The following SPIRE1 variants were observed in gnomAD, a reference collection of about 807,000 sequenced individuals.
The protein encoded by SPIRE1 is protein spire homolog 1.
Under a neutral mutation model 94.1 loss-of-function variants are expected in SPIRE1, and 40 were observed. The ratio of observed to expected loss-of-function variants is 0.43; its 90% CI spans 0.33 to 0.55. The LOEUF (loss-of-function observed/expected upper bound fraction) is 0.55, where lower values mean the gene tolerates loss of function less well. Among genes scored for constraint, SPIRE1 ranks in the 20% least tolerant of loss-of-function variants. The probability of loss-of-function intolerance (pLI) is 0.06; values close to 1 mark genes in which losing one functional copy is unlikely to be tolerated. For synonymous variants in SPIRE1, 376 were observed against 371.7 expected (o/e 1.01, Z -0.13); for missense variants, 838 against 975.2 (o/e 0.86, Z 1.87).
intron 6 of SPIRE1, among the ~76,000 whole-genome samples, chr18:12,501,659 G>A (rs984308425): frequency 6.6e-6 from 1 of 152,188 alleles, no homozygotes; most frequent in Non-Finnish European, 1.5e-5. Context: ...TGGGATTACA[G>A]GCATGAGCCA....
At chr18:12,521,441 C>A (rs1302500877) in intron 4 of SPIRE1, among the ~76,000 whole-genome samples, 2 of 152,034 alleles carry the variant, frequency 1.3e-5, no homozygotes, top group African/African-American at 4.8e-5. Context: ...TCAAGGGATC[C>A]TCGTGCCTCA....
At chr18:12,661,291 AGAGT>A (rs1011258547), upstream of SPIRE1, 3 of 790,402 alleles carry the variant, frequency 3.8e-6, no homozygotes, top group African/African-American at 5.6e-5. Flanking sequence ...CTGGGTGACA[AGAGT>A]GAGCCTTCAT....
chr18:12,579,220 C>T (rs2036195390), intron 2 of SPIRE1, among the ~76,000 whole-genome samples: 1 of 149,542 alleles, frequency 6.7e-6, no homozygotes, highest in Non-Finnish European at 1.5e-5. Context: ...CACACACACA[C>T]ACACACACAC....
chr18:12,581,439 A>C (rs935878291), intron 2 of SPIRE1, among the ~76,000 whole-genome samples: 72 of 147,916 alleles, frequency 4.9e-4, no homozygotes, highest in African/African-American at 1.5e-3. Context: ...AAGGTTAAAA[A>C]AAATAACCAA....
chr18:12,639,968 A>AC (rs1240112961), intron 1 of SPIRE1, among the ~76,000 whole-genome samples: 2 of 152,160 alleles, frequency 1.3e-5, no homozygotes, highest in Non-Finnish European at 2.9e-5. Flanking sequence ...GCTTTACGAA[A>AC]CAAACTAGTC....
At chr18:12,596,872 T>C (rs553434535) in intron 2 of SPIRE1, among the ~76,000 whole-genome samples, 40 of 151,954 alleles carry the variant, frequency 2.6e-4, no homozygotes, top group African/African-American at 7.3e-4. Flanking sequence ...ACCACAGCTA[T>C]AGCCCTGCAC....
chr18:12,462,307 TA>T (rs2031898759), intron 12 of SPIRE1, among the ~76,000 whole-genome samples: 1 of 152,240 alleles, frequency 6.6e-6, no homozygotes, highest in Non-Finnish European at 1.5e-5. Context: ...ATCACAGCCT[TA>T]AAAAATGGAC....
chr18:12,495,975 T>C (rs2033443060), intron 7 of SPIRE1, 41 bp downstream of exon 7: 1 of 1,452,966 alleles, frequency 6.9e-7, no homozygotes, highest in African/African-American at 1.4e-5. Context: ...AATAATTCAT[T>C]ATGATATCTC....
chr18:12,463,641 T>C (rs1387489198), intron 11 of SPIRE1, 148 bp from the exon 12 acceptor site: 1 of 631,540 alleles, frequency 1.6e-6, no homozygotes, highest in Non-Finnish European at 2.6e-6. Flanking sequence ...TCCTTAGGAG[T>C]AGACTCTGAG....
At chr18:12,567,693 T>C (rs2035852360) in intron 2 of SPIRE1, among the ~76,000 whole-genome samples, 1 of 152,184 alleles carries the variant, frequency 6.6e-6, no homozygotes, top group African/African-American at 2.4e-5. Context: ...TTTGGTAGCA[T>C]ACCAGGATCC....
chr18:12,546,579 C>T lies in SPIRE1; in HGVS notation c.603+95G>A, dbSNP rs147653005. ...TCACACCACTGCACTCTAGCCTGGG[C>T]GACAGAGTGAGACCATCTCTCCAGG... On this transcript the variant is annotated intron_variant, in intron 3 of 16. Coordinates refer to ENST00000409402, the MANE Select transcript of SPIRE1 (RefSeq NM_001128626.2). 2.4e-3 allele frequency: 2,281 copies of T among 942,150 alleles called. 48 individuals are homozygous for T. In the African/African-American group the frequency reaches 0.032, roughly 13 times the overall value. The allele number at this position is 942,150 out of a possible 1,614,324, so 58.4% of individuals were successfully genotyped here.
intron 1 of SPIRE1, among the ~76,000 whole-genome samples, chr18:12,643,430 A>G (rs1286162361): frequency 6.6e-6 from 1 of 152,260 alleles, no homozygotes. Flanking sequence ...TATCAATTGA[A>G]GAGTTCTGGT....
At chr18:12,523,529 T>G (rs540515246) in intron 4 of SPIRE1, among the ~76,000 whole-genome samples, 1 of 152,330 alleles carries the variant, frequency 6.6e-6, no homozygotes, top group South Asian at 2.1e-4. Context: ...TTCTGATTTT[T>G]CAGAAAGGGC....
At chr18:12,650,866 G>C (rs1442152020) in intron 1 of SPIRE1, among the ~76,000 whole-genome samples, 1 of 137,956 alleles carries the variant, frequency 7.2e-6, no homozygotes, top group Non-Finnish European at 1.5e-5. Context: ...GACAAAGCGA[G>C]ACCCTGTCTC....
intron 2 of SPIRE1, among the ~76,000 whole-genome samples, chr18:12,607,290 C>G (rs546088318): frequency 6.6e-6 from 1 of 152,084 alleles, no homozygotes; most frequent in African/African-American, 2.4e-5. Context: ...TTTTGAGTGG[C>G]CTTCAACAGA....
upstream of SPIRE1, among the ~76,000 whole-genome samples, chr18:12,661,108 G>C (rs368627048): frequency 6.6e-6 from 1 of 152,136 alleles, no homozygotes; most frequent in African/African-American, 2.4e-5. Flanking sequence ...AGGAGTTCGA[G>C]ACCAGCCTGG....
At chr18:12,604,765 T>G (rs997224526) in intron 2 of SPIRE1, among the ~76,000 whole-genome samples, 2 of 152,174 alleles carry the variant, frequency 1.3e-5, no homozygotes, top group African/African-American at 4.8e-5. Context: ...GATCACATCC[T>G]GTCAATCTGT....
chr18:12,458,762 G>A (rs1430440094), intron 12 of SPIRE1, among the ~76,000 whole-genome samples: 6 of 152,206 alleles, frequency 3.9e-5, no homozygotes, highest in Non-Finnish European at 7.3e-5. Flanking sequence ...AGTGACAGGA[G>A]TTAAAAAGCC....
At chr18:12,629,813 T>TA (rs2144789749) in intron 2 of SPIRE1, among the ~76,000 whole-genome samples, 1 of 152,334 alleles carries the variant, frequency 6.6e-6, no homozygotes, top group East Asian at 1.9e-4. Context: ...AATTGCCTAT[T>TA]AAAGTAAAAA....
Sources: gnomAD v4.1 joint callset for allele counts (sites outside exome capture counted in the v4.1 genomes callset) on GRCh38, gnomAD v4.1.1 for gene constraint, MANE v1.5 for transcripts, NCBI Gene and HGNC (gene_info 2026-07-23, HGNC 2026-07-21) for gene names.